TASP1: variants seen among roughly 807,000 people sequenced by gnomAD.
TASP1 encodes the protein taspase 1, also known as threonine aspartase 1.
In TASP1, 16 loss-of-function variants were observed where a neutral mutation model predicts 56.6. The ratio of observed to expected loss-of-function variants is 0.28; its 90% confidence interval spans 0.19 to 0.43. TASP1 has a LOEUF of 0.43. Ranked by LOEUF, TASP1 falls within the 20% of genes least tolerant of loss-of-function variation. The probability of loss-of-function intolerance (pLI) is 1.00; values close to 1 mark genes in which losing one functional copy is unlikely to be tolerated. For missense variants in TASP1, 393 were observed against 511.6 expected, an observed-to-expected ratio of 0.77 and a Z score of 2.24; for synonymous variants, 179 against 184.2, an observed-to-expected ratio of 0.97 and a Z score of 0.23.
intron 4 of TASP1, among the ~76,000 whole-genome samples, chr20:13,590,990 T>TA (rs1345592097): frequency 2.0e-5 from 3 of 149,986 alleles, no homozygotes; most frequent in African/African-American, 7.4e-5. Context: ...GCAATAAACG[T>TA]AATAATACAG....
chr20:13,370,619 A>G, the TASP1 span, among the ~76,000 whole-genome samples: 2 of 152,248 alleles, frequency 1.3e-5, no homozygotes, highest in South Asian at 4.1e-4. Flanking sequence ...CCCAAAATCC[A>G]TGTTGATGTC....
chr20:13,569,442 G>T, intron 7 of TASP1, 65 bp downstream of exon 7: 1 of 1,267,980 alleles, frequency 7.9e-7, no homozygotes, highest in Non-Finnish European at 1.1e-6. Context: ...GGTCATAACA[G>T]AAGCAATATT....
At chr20:13,144,840 T>C in the TASP1 span, among the ~76,000 whole-genome samples, 1 of 152,184 alleles carries the variant, frequency 6.6e-6, no homozygotes, top group Middle Eastern at 3.2e-3. Context: ...AGTGGCGCAA[T>C]CTTGGCTCAC....
the TASP1 span, among the ~76,000 whole-genome samples, chr20:13,278,371 G>A: frequency 6.6e-6 from 1 of 152,208 alleles, no homozygotes; most frequent in South Asian, 2.1e-4. Flanking sequence ...GCCATGGGGT[G>A]AGTGAAAATT....
the TASP1 span, among the ~76,000 whole-genome samples, chr20:13,197,830 G>A: frequency 1.1e-4 from 16 of 152,176 alleles, no homozygotes; most frequent in East Asian, 2.3e-3. Flanking sequence ...CCTGGCTAGC[G>A]ATTTATAAAA....
intron 2 of TASP1, among the ~76,000 whole-genome samples, chr20:13,625,487 A>T (rs1272211161): frequency 6.6e-6 from 1 of 152,146 alleles, no homozygotes; most frequent in East Asian, 1.9e-4. Flanking sequence ...CATGTCCCCA[A>T]AGAGGCTTCA....
chr20:13,221,878 C>T, the TASP1 span: 4 of 1,410,190 alleles, frequency 2.8e-6, no homozygotes, highest in Admixed American at 3.0e-5. Flanking sequence ...ACGGGCCCGA[C>T]GCGGCCGCGG....
At chr20:13,539,834 C>G (rs76146267) in intron 8 of TASP1, among the ~76,000 whole-genome samples, 18 of 152,078 alleles carry the variant, frequency 1.2e-4, no homozygotes, top group African/African-American at 4.3e-4. Flanking sequence ...GAAAAGGCAA[C>G]AGTTTTCATC....
At chr20:13,517,961 T>C (rs1397729127) in intron 10 of TASP1, among the ~76,000 whole-genome samples, 1 of 152,134 alleles carries the variant, frequency 6.6e-6, no homozygotes, top group Non-Finnish European at 1.5e-5. Flanking sequence ...GAATATTATT[T>C]TTCCCACCCC....
At chr20:13,152,905 A>T in the TASP1 span, among the ~76,000 whole-genome samples, 9 of 152,214 alleles carry the variant, frequency 5.9e-5, no homozygotes, top group African/African-American at 2.2e-4. Context: ...CCCTATTTCC[A>T]TCTGAAGAGT....
chr20:13,606,312 T>C (rs972675105), intron 4 of TASP1, among the ~76,000 whole-genome samples: 2 of 152,138 alleles, frequency 1.3e-5, no homozygotes, highest in African/African-American at 4.8e-5. Flanking sequence ...CCCCATTTCA[T>C]TCATGTCTCT....
At chr20:13,181,312 C>A in the TASP1 span, among the ~76,000 whole-genome samples, 3,687 of 152,198 alleles carry the variant, frequency 0.024, 60 homozygotes, top group African/African-American at 0.044. Context: ...ATCAATGAAC[C>A]CTTTACGGCA....
the TASP1 span, among the ~76,000 whole-genome samples, chr20:13,347,669 T>C: frequency 6.6e-6 from 1 of 152,130 alleles, no homozygotes. Context: ...TGAAACCCCG[T>C]CTCTACTAAA....
chr20:13,361,197 A>T, the TASP1 span, among the ~76,000 whole-genome samples: 2 of 152,310 alleles, frequency 1.3e-5, no homozygotes, highest in Non-Finnish European at 2.9e-5. Flanking sequence ...GCCCTGAGTC[A>T]GATAACTAAA....
chr20:13,531,930 C>G (rs1172603484), intron 9 of TASP1, among the ~76,000 whole-genome samples: 6 of 152,166 alleles, frequency 3.9e-5, no homozygotes, highest in Non-Finnish European at 1.5e-5. Flanking sequence ...TCCCAAAGTG[C>G]TGGGAATTAC....
chr20:13,490,024 C>T (rs990999417), intron 10 of TASP1, among the ~76,000 whole-genome samples: 14 of 152,120 alleles, frequency 9.2e-5, no homozygotes, highest in East Asian at 1.9e-4. Context: ...TGAAAGAAGA[C>T]GACTTCTAGC....
intron 9 of TASP1, among the ~76,000 whole-genome samples, chr20:13,532,834 T>C (rs1235508987): frequency 2.6e-5 from 4 of 152,212 alleles, no homozygotes; most frequent in Admixed American, 2.0e-4. Flanking sequence ...AAATCTGATA[T>C]GCCAAGCTTG....
chr20:13,327,317 C>T, the TASP1 span, among the ~76,000 whole-genome samples: 1 of 151,622 alleles, frequency 6.6e-6, no homozygotes, highest in South Asian at 2.1e-4. Flanking sequence ...AGAGAAGACA[C>T]AATGGAGCAA....
the TASP1 span, among the ~76,000 whole-genome samples, chr20:13,277,712 C>T: frequency 6.6e-6 from 1 of 151,072 alleles, no homozygotes. Flanking sequence ...CAAAGGGTGC[C>T]TACAAGACTG....
Sources: gnomAD v4.1 joint callset for allele counts (sites outside exome capture counted in the v4.1 genomes callset) on GRCh38, gnomAD v4.1.1 for gene constraint, MANE v1.5 for transcripts, NCBI Gene and HGNC (gene_info 2026-07-23, HGNC 2026-07-21) for gene names.